TMC1: variants seen among roughly 807,000 people sequenced by gnomAD.
The protein encoded by TMC1 is transmembrane channel-like protein 1.
TMC1 carries 84 observed loss-of-function variants against 105.8 expected under a neutral mutation model. The observed-to-expected ratio is 0.79, with a 90% CI of 0.67 to 0.95. The LOEUF is 0.95. TMC1 is among the 40% of genes least tolerant of loss of function. TMC1 has a pLI of 0.00. For missense variants in TMC1, 817 were observed against 914.1 expected, an observed-to-expected ratio of 0.89 and a Z score of 1.37; for synonymous variants, 315 against 311.5, an observed-to-expected ratio of 1.01 and a Z score of -0.12.
intron 5 of TMC1, among the ~76,000 whole-genome samples, chr9:72,686,269 G>T (rs1030426878): frequency 6.6e-5 from 10 of 152,298 alleles, no homozygotes; most frequent in African/African-American, 2.4e-4. Flanking sequence ...GGGCATTGGG[G>T]AGCAGCTGAG....
intron 2 of TMC1, among the ~76,000 whole-genome samples, chr9:72,592,535 C>T (rs1265303972): frequency 4.6e-5 from 7 of 152,194 alleles, no homozygotes; most frequent in African/African-American, 1.4e-4. Context: ...TCAGAATTTA[C>T]CCCCTACTTC....
chr9:72,833,782 G>C (rs1173613345), intron 23 of TMC1, among the ~76,000 whole-genome samples: 1 of 152,032 alleles, frequency 6.6e-6, no homozygotes, highest in Non-Finnish European at 1.5e-5. Flanking sequence ...TTCCACAATT[G>C]CTCTTGAGTA....
chr9:72,788,410 C>G lies in TMC1; in HGVS notation c.956C>G (p.Thr319Ser), dbSNP rs142629075. ...NTFNFSWKVF[T>S]SWDYLIGNPE... is the part of the protein sequence containing the mutation. ...TTCAATTTCAGCTGGAAGGTCTTTA[C>G]CAGCTGGGACTACCTGATCGGCAAT... Residue 319 changes from threonine to serine, a missense_variant, in exon 14 of 24, where the codon ACC becomes AGC. Physicochemically the swap from Thr to Ser is moderately conservative, Grantham distance 58. Transcript: ENST00000297784. The G allele has an allele frequency of 5.9e-5, 96 of 1,613,864 alleles. No individual in the cohort carries two copies. Among genetic ancestry groups the G allele is most frequent in the Non-Finnish European group, 7.7e-5 (91 of 1,179,926 alleles).
chr9:72,627,613 C>T (rs1417216526), intron 3 of TMC1, among the ~76,000 whole-genome samples: 5 of 152,064 alleles, frequency 3.3e-5, no homozygotes, highest in East Asian at 1.9e-4. Flanking sequence ...GGCCTTTAAA[C>T]GAAGAGCTAC....
intron 2 of TMC1, among the ~76,000 whole-genome samples, chr9:72,590,802 G>C (rs1008087193): frequency 1.3e-5 from 2 of 152,178 alleles, no homozygotes; most frequent in African/African-American, 4.8e-5. Context: ...TTGCAAACAG[G>C]ACATTTTTGA....
At chr9:72,788,309 G>A (rs745759706) in intron 13 of TMC1, 30 bp from the exon 14 acceptor site, 4 of 1,613,390 alleles carry the variant, frequency 2.5e-6, no homozygotes, top group Admixed American at 3.3e-5. Context: ...ATTTTTTCTG[G>A]CTGCTGGGTT....
chr9:72,721,134 A>C (rs1312810257), intron 8 of TMC1, among the ~76,000 whole-genome samples: 1 of 152,216 alleles, frequency 6.6e-6, no homozygotes, highest in African/African-American at 2.4e-5. Context: ...TTTTGAGCTG[A>C]AGGGAATTAA....
At chr9:72,785,983 C>T (rs906206817) in intron 13 of TMC1, among the ~76,000 whole-genome samples, 1 of 152,180 alleles carries the variant, frequency 6.6e-6, no homozygotes, top group Non-Finnish European at 1.5e-5. Context: ...TTCCTCTTCT[C>T]AACTTTCATT....
chr9:72,561,351 A>G (rs1032431395), intron 1 of TMC1, among the ~76,000 whole-genome samples: 3 of 151,752 alleles, frequency 2.0e-5, no homozygotes, highest in Non-Finnish European at 4.4e-5. Flanking sequence ...GAGAGAGAGA[A>G]AATAACTCAG....
chr9:72,835,173 G>A (rs531219450), intron 23 of TMC1, among the ~76,000 whole-genome samples: 1 of 151,524 alleles, frequency 6.6e-6, no homozygotes, highest in Admixed American at 6.6e-5. Flanking sequence ...TTTCTTGACT[G>A]TCATGTTTGT....
intron 5 of TMC1, among the ~76,000 whole-genome samples, chr9:72,678,384 G>T (rs1480013387): frequency 6.6e-6 from 1 of 152,112 alleles, no homozygotes; most frequent in East Asian, 1.9e-4. Context: ...GAGCAAAAAT[G>T]AATTATATTA....
chr9:72,644,020 G>C (rs2310153), intron 4 of TMC1, among the ~76,000 whole-genome samples: 36,917 of 151,918 alleles, frequency 0.24, 4,822 homozygotes, highest in East Asian at 0.38. Context: ...CATTTCCCTA[G>C]TGTCTAGTTA....
At chr9:72,763,514 TAAAAG>T (rs1564538486) in intron 12 of TMC1, among the ~76,000 whole-genome samples, 1 of 152,194 alleles carries the variant, frequency 6.6e-6, no homozygotes, top group Non-Finnish European at 1.5e-5. Flanking sequence ...AGGAGACAGA[TAAAAG>T]AAAATATTTT....
At chr9:72,608,795 A>G (rs568128423) in intron 2 of TMC1, among the ~76,000 whole-genome samples, 4 of 152,218 alleles carry the variant, frequency 2.6e-5, no homozygotes, top group South Asian at 2.1e-4. Context: ...CTTTAATTAT[A>G]GTGTGGTTTA....
chr9:72,792,409 A>G (rs1828288432), intron 17 of TMC1, 57 bp downstream of exon 17: 1 of 1,588,568 alleles, frequency 6.3e-7, no homozygotes, highest in Non-Finnish European at 8.6e-7. Flanking sequence ...GAGAGTCAAT[A>G]TCTCTTCCAT....
chr9:72,800,774 A>G (rs1828456990), intron 17 of TMC1, among the ~76,000 whole-genome samples: 1 of 151,570 alleles, frequency 6.6e-6, no homozygotes, highest in South Asian at 2.1e-4. Context: ...CTCTAGTGGG[A>G]AAGTCTGCAG....
chr9:72,774,459 C>A (rs548442127), intron 13 of TMC1, among the ~76,000 whole-genome samples: 1 of 152,088 alleles, frequency 6.6e-6, no homozygotes, highest in Non-Finnish European at 1.5e-5. Context: ...TTATACCAGT[C>A]GCATTTCAAT....
chr9:72,719,713 A>G lies in TMC1; in HGVS notation c.362+19070A>G, dbSNP rs375578787. ...GGGCTGCAATTTAGTCCTGACTCCT[A>G]TCTGCCATTTTTTCCTAGCAGTTCA... On this transcript the variant is annotated intron_variant, in intron 8 of 23. Coordinates refer to ENST00000297784, the MANE Select transcript of TMC1 (RefSeq NM_138691.3). 5.9e-5 allele frequency among the ~76,000 whole-genome samples: 9 copies of G among 152,162 alleles called. No homozygotes were observed. The East Asian group carries it at 9.6e-4, about 16-fold the overall frequency.
At chr9:72,693,567 T>G (rs1564495062) in intron 6 of TMC1, among the ~76,000 whole-genome samples, 1 of 152,158 alleles carries the variant, frequency 6.6e-6, no homozygotes, top group Non-Finnish European at 1.5e-5. Context: ...CAGAAAGGTA[T>G]GCTGCAGATA....
Sources: allele counts gnomAD v4.1 joint callset (sites outside exome capture counted in the v4.1 genomes callset), GRCh38; gene constraint gnomAD v4.1.1; transcripts MANE v1.5; gene names NCBI Gene and HGNC (gene_info 2026-07-23, HGNC 2026-07-21).